The following UBE4A variants were observed in gnomAD, a reference collection of about 807,000 sequenced individuals.
UBE4A encodes the protein ubiquitin conjugation factor E4 A.
A neutral mutation model predicts 117.9 loss-of-function variants in UBE4A; 48 were observed. That is an observed-to-expected ratio of 0.41 (90% CI 0.32 to 0.52). The LOEUF (loss-of-function observed/expected upper bound fraction) is 0.52. UBE4A is among the 20% of genes least tolerant of loss of function. The probability of loss-of-function intolerance (pLI) is 0.33; values close to 1 mark genes in which losing one functional copy is unlikely to be tolerated. For synonymous variants in UBE4A, 407 were observed against 450.0 expected (o/e 0.90, Z 1.21); for missense variants, 1,067 against 1,296.3 (o/e 0.82, Z 2.72).
At chr11:118,394,547 G>A (rs868977861) in intron 19 of UBE4A, among the ~76,000 whole-genome samples, 3 of 152,238 alleles carry the variant, frequency 2.0e-5, no homozygotes, top group Middle Eastern at 6.8e-3. Context: ...GAAGCAGGTG[G>A]ATCACTTGAG....
rs1948619558 is a variant in UBE4A at position 118,372,775 on chromosome 11, A to G, written c.721+109A>G. ...AGCCATTATGGTTCTGGTATAAATT[A>G]AGGAGGAGGGCTCACATCTTGATCT... On this transcript the variant is annotated intron_variant, in intron 6 of 19. Coordinates refer to ENST00000252108, the MANE Select transcript of UBE4A (RefSeq NM_001204077.2). 29 of 1,490,766 alleles carry G rather than the reference A, an allele frequency of 1.9e-5. No individual in the cohort carries two copies. In the South Asian group the frequency reaches 2.5e-4, roughly 13 times the overall value. 92.3% of individuals were successfully genotyped at this position (1,490,766 alleles called of 1,614,324 possible).
At chr11:118,366,762 T>C (rs989715138) in intron 2 of UBE4A, among the ~76,000 whole-genome samples, 12 of 152,240 alleles carry the variant, frequency 7.9e-5, no homozygotes, top group Admixed American at 4.6e-4. Flanking sequence ...ACTACTTTTA[T>C]GTAGTCATTC....
At chr11:118,364,432 C>A (rs1173885082) in intron 1 of UBE4A, among the ~76,000 whole-genome samples, 1 of 151,972 alleles carries the variant, frequency 6.6e-6, no homozygotes, top group South Asian at 2.1e-4. Flanking sequence ...TATTTTTAAG[C>A]CTAGAAATAA....
intron 3 of UBE4A, 72 bp from the exon 4 acceptor site, chr11:118,369,351 G>A (rs916021847): frequency 5.3e-5 from 57 of 1,078,182 alleles, no homozygotes; most frequent in Admixed American, 9.5e-5. Flanking sequence ...CAAGAGTGAT[G>A]CTGTCAAGAT....
rs1346426631 is a variant in UBE4A, at chr11:118,359,691, C to T, written c.-42+17C>T. On this transcript the variant is annotated intron_variant, in intron 1 of 19. Coordinates refer to ENST00000252108, the MANE Select transcript of UBE4A (RefSeq NM_001204077.2). ...CAGGCTCTGGTAAGACAGGCAATAGCTTCAGGGGACGGGGTCGTTGACTTT... is the reference window on the plus strand; with the variant it reads ...CAGGCTCTGGTAAGACAGGCAATAGTTTCAGGGGACGGGGTCGTTGACTTT... The T allele has an allele frequency of 6.6e-6, 1 of 152,134 alleles. No homozygotes were observed. The highest frequency in any genetic ancestry group is 1.5e-5 in the Non-Finnish European group (1 of 68,006). The allele number at this position is 152,134 out of a possible 1,614,324, so 9.4% of individuals were successfully genotyped here. A position where few individuals can be genotyped will look rare whatever the true frequency, so the allele number is the denominator to read the frequency against.
Position 118,376,548 on chromosome 11 carries a change from T to TC in UBE4A, c.1451-25dup, listed in dbSNP as rs782241961. Reference sequence around the variant, plus strand: ...AGACTGGAGACCAAGACATTTACCCTCTTTTTTTTTTTTAACTTCTTTGAG... The same window carrying TC: ...AGACTGGAGACCAAGACATTTACCCTCCTTTTTTTTTTTTAACTTCTTTGAG... On this transcript the variant is annotated intron_variant, in intron 9 of 19. Coordinates refer to ENST00000252108, the MANE Select transcript of UBE4A (RefSeq NM_001204077.2). The TC allele has an allele frequency of 5.2e-5, 83 of 1,602,378 alleles. No homozygotes were observed. The East Asian group carries it at 1.3e-3, about 25-fold the overall frequency.
chr11:118,366,269 T>A (rs2134086663), intron 2 of UBE4A, among the ~76,000 whole-genome samples: 1 of 152,120 alleles, frequency 6.6e-6, no homozygotes, highest in South Asian at 2.1e-4. Flanking sequence ...GAAACTCTGG[T>A]TTAGAAGATT....
Position 118,396,488 on chromosome 11 carries a change from C to T in UBE4A, c.*48C>T, listed in dbSNP as rs782063399. 16 of 1,555,168 alleles carry T rather than the reference C, an allele frequency of 1.0e-5. No individual in the cohort carries two copies. The highest frequency in any genetic ancestry group is 1.4e-5 in the Non-Finnish European group (16 of 1,152,138). ...AAACCAACCCCAGAGTGCAGATAAA[C>T]AATTGTTTGTGGTTTCTCTCTTTCT... On this transcript the variant is annotated 3_prime_UTR_variant, in exon 20 of 20. Transcript: ENST00000252108.
chr11:118,361,009 T>TA (rs1434331459), intron 1 of UBE4A, among the ~76,000 whole-genome samples: 56 of 89,670 alleles, frequency 6.2e-4, no homozygotes, highest in African/African-American at 2.1e-3. Context: ...TGTGTGTGTA[T>TA]TTTTTTTTTT....
In UBE4A at chr11:118,396,984, G is replaced by A. The variant is rs1201446073; in HGVS notation, c.*544G>A. 2 of 152,196 alleles carry A rather than the reference G, an allele frequency of 1.3e-5. No individual in the cohort carries two copies. The highest frequency in any genetic ancestry group is 2.9e-5 in the Non-Finnish European group (2 of 68,070). 9.4% of individuals were successfully genotyped at this position (152,196 alleles called of 1,614,324 possible). On this transcript the variant is annotated 3_prime_UTR_variant, in exon 20 of 20. Coordinates refer to ENST00000252108, the MANE Select transcript of UBE4A (RefSeq NM_001204077.2). Reference sequence around the variant, plus strand: ...TAAAAGCAGATACCTTTAAGTTTGTGTAGACTTCTGAATAAGATGATAGAC... The same window carrying A: ...TAAAAGCAGATACCTTTAAGTTTGTATAGACTTCTGAATAAGATGATAGAC...
intron 2 of UBE4A, among the ~76,000 whole-genome samples, chr11:118,365,914 T>G (rs1473830822): frequency 6.6e-6 from 1 of 152,202 alleles, no homozygotes; most frequent in Non-Finnish European, 1.5e-5. Flanking sequence ...AGAATTAGGA[T>G]TTTTCTCAAA....
At position 118,396,361 on chromosome 11, in the gene UBE4A, T is replaced by C; in HGVS notation, c.3122T>C (p.Ile1041Thr). Residue 1041 changes from isoleucine to threonine, a missense_variant, in exon 20 of 20, where the codon ATC (isoleucine) becomes ACC (threonine). Ile to Thr is a moderately conservative substitution (Grantham distance 89). Transcript: ENST00000252108. ...FNRSPLTMDQ[I>T]RPNTELKEKI... ...CGTAGTCCCCTCACCATGGACCAGATCCGGCCAAACACAGAACTAAAAGAA... is the reference window on the plus strand; with the variant it reads ...CGTAGTCCCCTCACCATGGACCAGACCCGGCCAAACACAGAACTAAAAGAA... 1.2e-6 allele frequency: 2 copies of C among 1,613,788 alleles called. No homozygotes were observed. The highest frequency in any genetic ancestry group is 1.7e-6 in the Non-Finnish European group (2 of 1,179,892).
At chr11:118,386,004 G>C (rs539798905) in intron 15 of UBE4A, among the ~76,000 whole-genome samples, 1 of 152,262 alleles carries the variant, frequency 6.6e-6, no homozygotes, top group African/African-American at 2.4e-5. Flanking sequence ...GTTCTTCCAC[G>C]CATCTTGCAT....
chr11:118,380,676 T>C (rs957139929), intron 11 of UBE4A, among the ~76,000 whole-genome samples: 7 of 152,182 alleles, frequency 4.6e-5, no homozygotes, highest in Non-Finnish European at 7.3e-5. Context: ...GGAAGTTATA[T>C]AGCCAAGCTG....
At chr11:118,396,249 G>C in intron 19 of UBE4A, 65 bp from the exon 20 acceptor site, 2 of 1,556,238 alleles carry the variant, frequency 1.3e-6, no homozygotes, top group Non-Finnish European at 1.7e-6. Context: ...CAGGTGTTCT[G>C]TTTTTGGCTT....
chr11:118,366,246 G>A (rs1948562013), intron 2 of UBE4A, among the ~76,000 whole-genome samples: 1 of 151,954 alleles, frequency 6.6e-6, no homozygotes, highest in Non-Finnish European at 1.5e-5. Flanking sequence ...TCTATGATAC[G>A]GGGCCAGAAT....
intron 1 of UBE4A, among the ~76,000 whole-genome samples, chr11:118,359,910 AG>A (rs1948507336): frequency 1.3e-5 from 2 of 152,064 alleles, no homozygotes; most frequent in South Asian, 4.1e-4. Context: ...ATCTTTGCCA[AG>A]CCCCTCCTGG....
chr11:118,372,754 A>G (rs1207352021), intron 6 of UBE4A, 88 bp downstream of exon 6: 10 of 1,574,588 alleles, frequency 6.4e-6, no homozygotes, highest in Non-Finnish European at 7.8e-6. Flanking sequence ...TCTCAGAGCC[A>G]TTATGGTTCT....
chr11:118,368,126 A>T (rs893180836), intron 2 of UBE4A, among the ~76,000 whole-genome samples: 4 of 152,164 alleles, frequency 2.6e-5, no homozygotes, highest in Admixed American at 6.5e-5. Context: ...CCCATTTTTT[A>T]AAAAAATTAA....
Sources: allele counts gnomAD v4.1 joint callset (sites outside exome capture counted in the v4.1 genomes callset), GRCh38; gene constraint gnomAD v4.1.1; transcripts MANE v1.5; gene names NCBI Gene and HGNC (gene_info 2026-07-23, HGNC 2026-07-21).